The following ITGA11 variants were observed in gnomAD, a reference collection of about 807,000 sequenced individuals.
The protein encoded by ITGA11 is integrin alpha-11.
Under a neutral mutation model 141.9 loss-of-function variants are expected in ITGA11, and 97 were observed. The observed-to-expected ratio is 0.68, with a 90% CI of 0.58 to 0.81. ITGA11 has a LOEUF of 0.81. Ranked by LOEUF, ITGA11 falls within the 30% of genes least tolerant of loss-of-function variation. The probability of loss-of-function intolerance (pLI) is 0.00; values close to 1 mark genes in which losing one functional copy is unlikely to be tolerated. For missense variants in ITGA11, 1,387 were observed against 1,559.2 expected, an observed-to-expected ratio of 0.89 and a Z score of 1.86; for synonymous variants, 658 against 624.6, an observed-to-expected ratio of 1.05 and a Z score of -0.80.
Position 68,307,213 on chromosome 15 carries a change from C to G in ITGA11, c.3381+135G>C. ...TCTTTTCAGCGGCTGCCCTAACAGC[C>G]CACAGGTCTGCCTGATTCTCTCCTG... On this transcript the variant is annotated intron_variant, in intron 28 of 29. Coordinates refer to ENST00000315757, the MANE Select transcript of ITGA11 (RefSeq NM_001004439.2). This position sits in a 1 kb window ranked among gnomAD's most constrained non-coding sequence, Gnocchi z 6.1. 1.5e-6 allele frequency: 1 copy of G among 656,036 alleles called. No homozygotes were observed. The highest frequency in any genetic ancestry group is 1.8e-5 in the African/African-American group (1 of 55,010). The allele number at this position is 656,036 out of a possible 1,614,324, so 40.6% of individuals were successfully genotyped here.
rs1897007014 is a variant in ITGA11, at chr15:68,421,021, G to GAGCATTC, written c.52+10993_52+10994insGAATGCT. Among the ~76,000 whole-genome samples, 2 of 57,580 alleles carry GAGCATTC rather than the reference G, an allele frequency of 3.5e-5. 1 individual carries two copies. The highest frequency in any genetic ancestry group is 6.7e-5 in the Non-Finnish European group (2 of 29,634). The allele number at this position is 57,580 out of a possible 152,430, so 37.8% of individuals were successfully genotyped here. ...TAAACTGCCTGAGGTTTGGTGGGCA[G>GAGCATTC]GATGCCGGAGTGTGTGCTGTGAGGA... On this transcript the variant is annotated intron_variant, in intron 1 of 29. Transcript: ENST00000315757.
rs1326729175 is a variant in ITGA11 at position 68,304,671 on chromosome 15, G to A, written c.3382-786C>T. Among the ~76,000 whole-genome samples the A allele has an allele frequency of 1.3e-5, 2 of 152,052 alleles. No individual in the cohort carries two copies. Among genetic ancestry groups the A allele is most frequent in the African/African-American group, 4.8e-5 (2 of 41,386 alleles). ...CTGTCTCCTGGCCTGCCTGGCAACT[G>A]TAACAGGCCCCTAACCAAGCTCTTA... On this transcript the variant is annotated intron_variant, in intron 28 of 29. Transcript: ENST00000315757. This position sits in a 1 kb window ranked among gnomAD's most constrained non-coding sequence, Gnocchi z 6.1.
At chr15:68,410,752 G>A (rs1307427700) in intron 1 of ITGA11, among the ~76,000 whole-genome samples, 1 of 152,150 alleles carries the variant, frequency 6.6e-6, no homozygotes, top group Non-Finnish European at 1.5e-5. Context: ...GAGGCCCAAG[G>A]ACCCTAGTCT....
rs778908600 is a variant in ITGA11 at position 68,328,182 on chromosome 15, C to T, written c.1982G>A (p.Arg661His). Residue 661 changes from arginine to histidine, a missense_variant, in exon 16 of 30, where the codon CGC becomes CAC. Transcript: ENST00000315757. The surrounding 1 kb of genome is among the most constrained non-coding windows in gnomAD (Gnocchi z 4.8). ...KINIFHRDCK[R>H]SGRDATCLAA... ...CAGGCAGGTGGCATCCCTGCCACTGCGCTTGCAGTCTCTGTGGAAGATGTT... is the reference window on the plus strand; with the variant it reads ...CAGGCAGGTGGCATCCCTGCCACTGTGCTTGCAGTCTCTGTGGAAGATGTT... 59 of 1,613,726 alleles carry T rather than the reference C, an allele frequency of 3.7e-5. No homozygotes were observed. Among genetic ancestry groups the T allele is most frequent in the South Asian group, 2.6e-4 (24 of 91,076 alleles).
At chr15:68,423,291 G>A (rs1455025283) in intron 1 of ITGA11, among the ~76,000 whole-genome samples, 1 of 152,092 alleles carries the variant, frequency 6.6e-6, no homozygotes, top group Admixed American at 6.6e-5. Context: ...TCACACAAGT[G>A]GGGCCCCACC....
chr15:68,342,721 C>A (rs1894608464), intron 10 of ITGA11, among the ~76,000 whole-genome samples: 1 of 152,212 alleles, frequency 6.6e-6, no homozygotes, highest in Non-Finnish European at 1.5e-5. Context: ...TCAGCCGGGG[C>A]AGGTTTGTGC....
In ITGA11 at chr15:68,389,604, C is replaced by T. The variant is rs535793281; in HGVS notation, c.164+13314G>A. On this transcript the variant is annotated intron_variant, in intron 2 of 29. Transcript: ENST00000315757. ...TGCCTGTAAAATGGGGACAAATCTA[C>T]TTCCCCTACAAGTTGCTCCTGTCTG... Among the ~76,000 whole-genome samples the T allele has an allele frequency of 2.6e-5, 4 of 152,370 alleles. No individual in the cohort carries two copies. In the South Asian group the frequency reaches 8.3e-4, roughly 32 times the overall value.
At chr15:68,351,237 C>G (rs915018025) in intron 8 of ITGA11, 21 bp downstream of exon 8, 4 of 1,613,086 alleles carry the variant, frequency 2.5e-6, no homozygotes, top group Non-Finnish European at 3.4e-6. Context: ...ATCAGCAGCC[C>G]TTGGGCGGGC....
At chr15:68,345,429 G>A (rs1894712813) in intron 10 of ITGA11, among the ~76,000 whole-genome samples, 1 of 152,192 alleles carries the variant, frequency 6.6e-6, no homozygotes, top group Non-Finnish European at 1.5e-5. Flanking sequence ...GTGTCCAGGT[G>A]ATGTCTTGGG....
intron 2 of ITGA11, among the ~76,000 whole-genome samples, chr15:68,380,926 G>C (rs991474496): frequency 1.3e-5 from 2 of 152,148 alleles, no homozygotes; most frequent in African/African-American, 4.8e-5. Context: ...CAGACGGTTG[G>C]ATGCCTACAT....
In ITGA11 at chr15:68,324,074, C is replaced by T. The variant is rs549787509; in HGVS notation, c.2322+1057G>A. On this transcript the variant is annotated intron_variant, in intron 18 of 29. Coordinates refer to ENST00000315757, the MANE Select transcript of ITGA11 (RefSeq NM_001004439.2). This position sits in a 1 kb window ranked among gnomAD's most constrained non-coding sequence, Gnocchi z 6.3. ...ATGACTTAGTGCGCCCAGCTTTCCC[C>T]TTCTCCCGGCTCACTAACGATGAAT... Among the ~76,000 whole-genome samples, 1 of 152,250 alleles carries T rather than the reference C, an allele frequency of 6.6e-6. No homozygotes were observed. The highest frequency in any genetic ancestry group is 1.9e-4 in the East Asian group (1 of 5,178).
intron 2 of ITGA11, among the ~76,000 whole-genome samples, chr15:68,373,005 A>AT (rs146585311): frequency 1.3e-5 from 2 of 152,098 alleles, no homozygotes; most frequent in African/African-American, 4.8e-5. Flanking sequence ...TAGTAATTCT[A>AT]TTTTTTTCAG....
chr15:68,344,931 G>A (rs1894696635), intron 10 of ITGA11, among the ~76,000 whole-genome samples: 2 of 152,156 alleles, frequency 1.3e-5, no homozygotes, highest in East Asian at 1.9e-4. Flanking sequence ...AGGCGGATGC[G>A]AAATCCCTCC....
Position 68,307,506 on chromosome 15 carries a change from G to T in ITGA11, c.3286-63C>A. 1 of 1,514,230 alleles carries T rather than the reference G, an allele frequency of 6.6e-7. No homozygotes were observed. 93.8% of individuals were successfully genotyped at this position (1,514,230 alleles called of 1,614,324 possible). A position where few individuals can be genotyped will look rare whatever the true frequency, so the allele number is the denominator to read the frequency against. On this transcript the variant is annotated intron_variant, in intron 27 of 29. Transcript: ENST00000315757. This position sits in a 1 kb window ranked among gnomAD's most constrained non-coding sequence, Gnocchi z 6.1. ...AGCTTTTCTTCCCGTCCCCTCCCCA[G>T]GCAGCCCCAGGTGGAAGACATCCCA...
chr15:68,339,226 C>T (rs1894476808), intron 11 of ITGA11, among the ~76,000 whole-genome samples: 1 of 152,190 alleles, frequency 6.6e-6, no homozygotes, highest in African/African-American at 2.4e-5. Context: ...TCTAGAAGCA[C>T]CAAATGAAAC....
intron 2 of ITGA11, among the ~76,000 whole-genome samples, chr15:68,401,488 C>T (rs1328949260): frequency 6.6e-6 from 1 of 152,136 alleles, no homozygotes; most frequent in Non-Finnish European, 1.5e-5. Context: ...AACTGAAATA[C>T]ATTGTTGTAG....
intron 8 of ITGA11, 82 bp from the exon 9 acceptor site, chr15:68,350,864 AC>A: frequency 7.0e-7 from 1 of 1,426,158 alleles, no homozygotes. Flanking sequence ...GACCCTGGGG[AC>A]CCCAGGGTGG....
chr15:68,429,437 G>A (rs1193060117), intron 1 of ITGA11, among the ~76,000 whole-genome samples: 2 of 152,192 alleles, frequency 1.3e-5, no homozygotes, highest in Non-Finnish European at 2.9e-5. Flanking sequence ...TCTGGTCAAT[G>A]GATCTCTCTC....
Position 68,298,032 on chromosome 15 carries a change from A to G in ITGA11, c.*5027T>C, listed in dbSNP as rs953526152. 6 of 152,236 alleles carry G rather than the reference A, an allele frequency of 3.9e-5. No homozygotes were observed. Among genetic ancestry groups the G allele is most frequent in the Non-Finnish European group, 7.3e-5 (5 of 68,044 alleles). 9.4% of individuals were successfully genotyped at this position (152,236 alleles called of 1,614,324 possible). A position where few individuals can be genotyped will look rare whatever the true frequency, so the allele number is the denominator to read the frequency against. ...TCTGCTAGGTCACTCCCTGGCTGCA[A>G]TAACCTAGTGAGACTGCGGAAATCA... On this transcript the variant is annotated 3_prime_UTR_variant, in exon 30 of 30. Coordinates refer to ENST00000315757, the MANE Select transcript of ITGA11 (RefSeq NM_001004439.2).
Sources: gnomAD v4.1 joint callset for allele counts (sites outside exome capture counted in the v4.1 genomes callset) on GRCh38, gnomAD v4.1.1 for gene constraint, Gnocchi (gnomAD v3.1) non-coding constraint, MANE v1.5 for transcripts, NCBI Gene and HGNC (gene_info 2026-07-23, HGNC 2026-07-21) for gene names.